Variants in R3HCC1L observed in about 807,000 individuals in gnomAD.
The protein encoded by R3HCC1L is R3H domain and coiled-coil containing 1 like, also known as coiled-coil domain-containing protein R3HCC1L.
R3HCC1L carries 51 observed loss-of-function variants against 59.9 expected under a neutral mutation model. That is an observed-to-expected ratio of 0.85 (90% CI 0.68 to 1.07). The LOEUF is 1.07. Ranked by LOEUF, R3HCC1L falls within the 50% of genes least tolerant of loss-of-function variation. R3HCC1L has a pLI of 0.00. For synonymous variants in R3HCC1L, 322 were observed against 315.2 expected, an observed-to-expected ratio of 1.02 and a Z score of -0.23; for missense variants, 965 against 933.0, an observed-to-expected ratio of 1.03 and a Z score of -0.45.
At chr10:98,136,744 C>A (rs916647961) in intron 1 of R3HCC1L, among the ~76,000 whole-genome samples, 2 of 151,462 alleles carry the variant, frequency 1.3e-5, no homozygotes, top group South Asian at 4.2e-4. Flanking sequence ...GGCTGAGGCG[C>A]GAGAATCGCT....
chr10:98,162,155 T>G (rs940752139), intron 2 of R3HCC1L, among the ~76,000 whole-genome samples: 5 of 152,180 alleles, frequency 3.3e-5, no homozygotes, highest in Non-Finnish European at 7.4e-5. Flanking sequence ...TTTGTATGTC[T>G]GCATGATTTT....
intron 4 of R3HCC1L, among the ~76,000 whole-genome samples, chr10:98,206,882 T>C (rs957338701): frequency 6.6e-6 from 1 of 152,162 alleles, no homozygotes; most frequent in Non-Finnish European, 1.5e-5. Flanking sequence ...ACATGAAGAA[T>C]GTTGGGCTAG....
At chr10:98,244,061 A>G (rs1304986029) in intron 9 of R3HCC1L, 30 bp from the exon 10 acceptor site, 1 of 1,604,300 alleles carries the variant, frequency 6.2e-7, no homozygotes, top group African/African-American at 1.3e-5. Flanking sequence ...TGAAGTAGAC[A>G]ACTGTGGTTA....
intron 6 of R3HCC1L, among the ~76,000 whole-genome samples, chr10:98,232,138 G>A (rs927362689): frequency 2.0e-5 from 3 of 152,056 alleles, no homozygotes; most frequent in African/African-American, 4.8e-5. Flanking sequence ...ACAGGTGTGT[G>A]TCACCATGCC....
chr10:98,241,654 T>C (rs576139999), intron 9 of R3HCC1L, among the ~76,000 whole-genome samples: 17 of 152,332 alleles, frequency 1.1e-4, no homozygotes, highest in South Asian at 1.0e-3. Context: ...TGCTTTCCTT[T>C]CTCTTTAATA....
intron 1 of R3HCC1L, among the ~76,000 whole-genome samples, chr10:98,150,499 A>G (rs929720080): frequency 2.7e-4 from 41 of 150,328 alleles, no homozygotes; most frequent in African/African-American, 9.0e-4. Context: ...TCTTTGTAAT[A>G]CATCTCTTGA....
chr10:98,139,350 A>G (rs183298673), intron 1 of R3HCC1L, among the ~76,000 whole-genome samples: 64 of 152,334 alleles, frequency 4.2e-4, no homozygotes, highest in African/African-American at 1.5e-3. Context: ...GACCTGTAGG[A>G]TGATCTTTGA....
chr10:98,153,193 T>G (rs112169852), intron 1 of R3HCC1L, among the ~76,000 whole-genome samples: 37 of 152,318 alleles, frequency 2.4e-4, no homozygotes, highest in African/African-American at 8.9e-4. Flanking sequence ...GGGGAGAAGA[T>G]AGAGAATTCA....
At chr10:98,220,113 A>C (rs1355331815) in intron 5 of R3HCC1L, among the ~76,000 whole-genome samples, 1 of 152,002 alleles carries the variant, frequency 6.6e-6, no homozygotes, top group African/African-American at 2.4e-5. Context: ...CTGTCTTTTA[A>C]GTTCAGAAAT....
chr10:98,216,125 T>A (rs1336422138), intron 5 of R3HCC1L, among the ~76,000 whole-genome samples: 1 of 152,208 alleles, frequency 6.6e-6, no homozygotes, highest in Non-Finnish European at 1.5e-5. Context: ...TCTTCATGAT[T>A]AACCAGGGCA....
intron 1 of R3HCC1L, among the ~76,000 whole-genome samples, chr10:98,145,444 A>G (rs763341603): frequency 1.4e-4 from 21 of 152,222 alleles, no homozygotes; most frequent in Non-Finnish European, 2.4e-4. Context: ...TCTTGGAGAA[A>G]GGTAACGAGT....
chr10:98,242,945 C>T (rs1263946077), intron 9 of R3HCC1L, among the ~76,000 whole-genome samples: 1 of 152,212 alleles, frequency 6.6e-6, no homozygotes, highest in Non-Finnish European at 1.5e-5. Context: ...TCTCTACCAG[C>T]CTTCATTTTG....
At chr10:98,215,222 CTTAT>C (rs1391098263) in intron 5 of R3HCC1L, among the ~76,000 whole-genome samples, 1 of 151,992 alleles carries the variant, frequency 6.6e-6, no homozygotes, top group Non-Finnish European at 1.5e-5. Context: ...AATAATGAGA[CTTAT>C]TTATTCTCAG....
chr10:98,208,055 T>G, intron 4 of R3HCC1L, 46 bp from the exon 5 acceptor site: 1 of 1,504,872 alleles, frequency 6.6e-7, no homozygotes, highest in South Asian at 1.3e-5. Flanking sequence ...TTTGGTTCAA[T>G]ACATTGTAAT....
At chr10:98,150,219 A>C (rs1846013084) in intron 1 of R3HCC1L, among the ~76,000 whole-genome samples, 1 of 152,228 alleles carries the variant, frequency 6.6e-6, no homozygotes, top group Non-Finnish European at 1.5e-5. Flanking sequence ...CTTGGTGATC[A>C]CTGAATTCAC....
At chr10:98,184,340 G>A (rs771347416) in intron 4 of R3HCC1L, among the ~76,000 whole-genome samples, 1 of 151,992 alleles carries the variant, frequency 6.6e-6, no homozygotes, top group South Asian at 2.1e-4. Context: ...ATATGATGAT[G>A]GTCCCCTAAG....
chr10:98,220,230 A>G (rs1854716158), intron 5 of R3HCC1L, among the ~76,000 whole-genome samples: 1 of 151,964 alleles, frequency 6.6e-6, no homozygotes, highest in Non-Finnish European at 1.5e-5. Flanking sequence ...TATAAACTCT[A>G]ACTCTTTGTT....
In R3HCC1L at chr10:98,234,523, A is replaced by G. The variant is rs1275876067; in HGVS notation, c.2032+7A>G. On this transcript the variant is annotated splice_region_variant and intron_variant, in intron 7 of 9. Transcript: ENST00000298999. ...TTCTCCAGTCCAATTACAGGTATTC[A>G]CCCAGTGGCTTTCAATCTTCCTTTC... 1.2e-6 allele frequency: 2 copies of G among 1,606,584 alleles called. No individual in the cohort carries two copies. The highest frequency in any genetic ancestry group is 1.7e-6 in the Non-Finnish European group (2 of 1,174,710).
chr10:98,211,489 A>T (rs1165237240), intron 5 of R3HCC1L: 12 of 1,160,222 alleles, frequency 1.0e-5, no homozygotes, highest in Non-Finnish European at 1.4e-5. Context: ...AGCTAGGTGA[A>T]TATAGAGATG....
Sources: gnomAD v4.1 joint callset for allele counts (sites outside exome capture counted in the v4.1 genomes callset) on GRCh38, gnomAD v4.1.1 for gene constraint, MANE v1.5 for transcripts, NCBI Gene and HGNC (gene_info 2026-07-23, HGNC 2026-07-21) for gene names.